Variants in GTF3C4 observed in about 807,000 individuals in gnomAD.
GTF3C4 encodes the protein general transcription factor IIIC subunit 4, also known as general transcription factor 3C polypeptide 4.
Under a neutral mutation model 67.5 loss-of-function variants are expected in GTF3C4, and 28 were observed. That is an observed-to-expected ratio of 0.41 (90% CI 0.31 to 0.57). GTF3C4 has a LOEUF of 0.57. Among genes scored for constraint, GTF3C4 ranks in the 20% least tolerant of loss-of-function variants. GTF3C4 has a pLI of 0.21. For synonymous variants in GTF3C4, 409 were observed against 393.0 expected (o/e 1.04, Z -0.48); for missense variants, 831 against 1,033.2 (o/e 0.80, Z 2.68).
intron 1 of GTF3C4, among the ~76,000 whole-genome samples, chr9:132,672,303 T>A (rs1240338160): frequency 6.6e-6 from 1 of 152,124 alleles, no homozygotes; most frequent in African/African-American, 2.4e-5. Context: ...ATAGTAGACA[T>A]CGAATACCTT....
chr9:132,670,787 G>C lies in GTF3C4; in HGVS notation c.189G>C (p.Ala63=), dbSNP rs769183687. 8.8e-6 allele frequency: 14 copies of C among 1,591,934 alleles called. No homozygotes were observed. The highest frequency in any genetic ancestry group is 1.3e-5 in the African/African-American group (1 of 74,534). Residue 63 remains alanine, a synonymous_variant, in exon 1 of 5, where the codon GCG becomes GCC. Transcript: ENST00000372146. ...AGCCGGCCGTGAAGCTGCAGTATGC[G>C]GTGAGCGGCCTGGAACCGCTGGCTT... is the stretch of plus-strand genomic sequence containing the variant. The part of the protein sequence containing the change: ...RREPAVKLQY[A]VSGLEPLAWS...
chr9:132,678,895 A>G lies in GTF3C4; in HGVS notation c.1276A>G (p.Ile426Val), dbSNP rs780087553. The change falls in exon 2 of 5, where the codon ATT becomes GTT. Residue 426 changes from isoleucine to valine, a missense_variant. By Grantham distance (29) the Ile-to-Val change is conservative. This residue lies in a region of GTF3C4 where 390 missense variants were observed against 540.3 expected (regional missense o/e 0.72). Transcript: ENST00000372146. This position sits in a 1 kb window ranked among gnomAD's most constrained non-coding sequence, Gnocchi z 6.5. ...TGTCACAGGCCTTCACTCACTGCCAATTGTCTCCATGACTGCAGACAAACA... is the reference window on the plus strand; with the variant it reads ...TGTCACAGGCCTTCACTCACTGCCAGTTGTCTCCATGACTGCAGACAAACA... ...SHVTGLHSLP[I>V]VSMTADKQNG... 15 of 1,614,162 alleles carry G rather than the reference A, an allele frequency of 9.3e-6. No homozygotes were observed. Among genetic ancestry groups the G allele is most frequent in the Non-Finnish European group, 1.0e-5 (12 of 1,179,992 alleles).
chr9:132,677,957 T>G lies in GTF3C4; in HGVS notation c.358-20T>G. On this transcript the variant is annotated intron_variant, in intron 1 of 4. Coordinates refer to ENST00000372146, the MANE Select transcript of GTF3C4 (RefSeq NM_012204.4). The stretch of plus-strand genomic sequence containing the variant: ...TTGAGTAAATGCTCATCTGATAGTT[T>G]TTATATCTCTTATTTTCAGGTTGGC... 1 of 1,565,132 alleles carries G rather than the reference T, an allele frequency of 6.4e-7. No homozygotes were observed. The highest frequency in any genetic ancestry group is 2.0e-5 in the Admixed American group (1 of 50,622).
upstream of GTF3C4, chr9:132,670,172 T>A (rs1216652117): frequency 6.3e-7 from 1 of 1,592,880 alleles, no homozygotes; most frequent in East Asian, 2.3e-5. Flanking sequence ...CCTCGCGGCC[T>A]GGCAAAATTA....
chr9:132,682,504 C>G (rs992752222), intron 2 of GTF3C4, among the ~76,000 whole-genome samples: 2 of 149,746 alleles, frequency 1.3e-5, no homozygotes, highest in Non-Finnish European at 1.5e-5. Context: ...GTATCCCAGC[C>G]TCCAAATTAC....
At chr9:132,676,495 A>G (rs996091388) in intron 1 of GTF3C4, among the ~76,000 whole-genome samples, 2 of 151,516 alleles carry the variant, frequency 1.3e-5, no homozygotes, top group African/African-American at 4.9e-5. Context: ...ATTTTTTGCT[A>G]TTTTTAGTAG....
At chr9:132,685,432 A>G (rs1026568400) in intron 3 of GTF3C4, among the ~76,000 whole-genome samples, 1 of 152,192 alleles carries the variant, frequency 6.6e-6, no homozygotes, top group South Asian at 2.1e-4. Flanking sequence ...TAATGGCTAT[A>G]GAGGTTTCTA....
chr9:132,689,191 C>A lies in GTF3C4; in HGVS notation c.*246C>A. ...AGTCGTTTTGAGATGAGCATTAGCC[C>A]CAGCTTTGTAACCAATGAGGAACAC... On this transcript the variant is annotated 3_prime_UTR_variant, in exon 5 of 5. Transcript: ENST00000372146. The A allele has an allele frequency of 4.0e-6, 2 of 494,324 alleles. No homozygotes were observed. Among genetic ancestry groups the A allele is most frequent in the African/African-American group, 1.9e-5 (1 of 51,984 alleles). 30.6% of individuals were successfully genotyped at this position (494,324 alleles called of 1,614,324 possible).
At position 132,692,751 on chromosome 9, in the gene GTF3C4, A is replaced by T. The variant is rs1836138102; in HGVS notation, c.*3806A>T. 4 of 152,228 alleles carry T rather than the reference A, an allele frequency of 2.6e-5. No homozygotes were observed. The South Asian group carries it at 8.3e-4, about 31-fold the overall frequency. 9.4% of individuals were successfully genotyped at this position (152,228 alleles called of 1,614,324 possible). On this transcript the variant is annotated 3_prime_UTR_variant, in exon 5 of 5. Transcript: ENST00000372146. ...GAACCTTTGCCTTCAAGGTTGGGTC[A>T]TCAAAAATCCCTCTAAAGGATCTAA... is the stretch of plus-strand genomic sequence containing the variant.
At chr9:132,674,633 A>G (rs1358974669) in intron 1 of GTF3C4, among the ~76,000 whole-genome samples, 1 of 152,244 alleles carries the variant, frequency 6.6e-6, no homozygotes, top group Non-Finnish European at 1.5e-5. Flanking sequence ...TCACAGTATT[A>G]AAGGATTTGA....
chr9:132,670,592 A>G lies in GTF3C4; in HGVS notation c.-7A>G. ...CCAGGGCGTCCGACCTCTGCACCTG[A>G]GAGAAGATGAACACGGCCGACCAGG... On this transcript the variant is annotated 5_prime_UTR_variant, in exon 1 of 5. Coordinates refer to ENST00000372146, the MANE Select transcript of GTF3C4 (RefSeq NM_012204.4). 3 of 1,441,870 alleles carry G rather than the reference A, an allele frequency of 2.1e-6. No individual in the cohort carries two copies. The highest frequency in any genetic ancestry group is 2.7e-6 in the Non-Finnish European group (3 of 1,106,800). 89.3% of individuals were successfully genotyped at this position (1,441,870 alleles called of 1,614,324 possible).
In GTF3C4 at chr9:132,679,815, T is replaced by C; in HGVS notation, c.2184+12T>C. ...ACAGAACTGCACGGGTAGGTGTTTA[T>C]TAACAAAAACTCTGAAATTGTAAAG... is the stretch of plus-strand genomic sequence containing the variant. On this transcript the variant is annotated intron_variant, in intron 2 of 4. Transcript: ENST00000372146. This position sits in a 1 kb window ranked among gnomAD's most constrained non-coding sequence, Gnocchi z 5.9. 6.4e-7 allele frequency: 1 copy of C among 1,552,156 alleles called. No individual in the cohort carries two copies. Among genetic ancestry groups the C allele is most frequent in the South Asian group, 1.2e-5 (1 of 82,542 alleles).
intron 1 of GTF3C4, 42 bp from the exon 2 acceptor site, chr9:132,677,935 A>C: frequency 6.6e-7 from 1 of 1,518,590 alleles, no homozygotes; most frequent in Non-Finnish European, 8.9e-7. Context: ...CATCTCCTTG[A>C]GTAAATGCTC....
intron 1 of GTF3C4, among the ~76,000 whole-genome samples, chr9:132,674,801 C>T (rs552542633): frequency 1.4e-4 from 22 of 152,274 alleles, no homozygotes; most frequent in African/African-American, 5.3e-4. Context: ...AGGCCAAGGC[C>T]GGAGGATCGC....
At chr9:132,682,732 G>A (rs1835965298) in intron 2 of GTF3C4, among the ~76,000 whole-genome samples, 1 of 151,250 alleles carries the variant, frequency 6.6e-6, no homozygotes, top group Non-Finnish European at 1.5e-5. Flanking sequence ...AGCCTCCTGA[G>A]TAGCTGGAAT....
chr9:132,694,108 T>A lies in GTF3C4; in HGVS notation c.*5163T>A, dbSNP rs893252479. The A allele has an allele frequency of 3.9e-5, 6 of 152,270 alleles. No individual in the cohort carries two copies. The South Asian group carries it at 1.2e-3, about 32-fold the overall frequency. The allele number at this position is 152,270 out of a possible 1,614,324, so 9.4% of individuals were successfully genotyped here. ...TTAGGTGGAATGTTTTATAGACTTTTGGTGTTGAAAAAAAAAAGTTTGATA... is the reference window on the plus strand; with the variant it reads ...TTAGGTGGAATGTTTTATAGACTTTAGGTGTTGAAAAAAAAAAGTTTGATA... On this transcript the variant is annotated 3_prime_UTR_variant, in exon 5 of 5. Transcript: ENST00000372146.
chr9:132,680,976 C>T (rs560101076), intron 2 of GTF3C4, among the ~76,000 whole-genome samples: 9 of 152,270 alleles, frequency 5.9e-5, no homozygotes, highest in Non-Finnish European at 8.8e-5. Context: ...GGTGTGGTGG[C>T]GGGCGCCTGT....
chr9:132,670,336 C>T (rs1835674942), upstream of GTF3C4: 2 of 1,434,538 alleles, frequency 1.4e-6, no homozygotes, highest in Non-Finnish European at 1.8e-6. Context: ...CCCTAACAGG[C>T]TCTGGAGCTC....
rs1835909362 is a variant in GTF3C4 at position 132,679,449 on chromosome 9, T to C, written c.1830T>C (p.Asp610=). 2 of 1,614,162 alleles carry C rather than the reference T, an allele frequency of 1.2e-6. No individual in the cohort carries two copies. Among genetic ancestry groups the C allele is most frequent in the South Asian group, 2.2e-5 (2 of 91,078 alleles). ...AGGACTCAAAAATCTTACTAGTGGA[T>C]TCGCCTGGGATGGGCAATGCTGACG... is the stretch of plus-strand genomic sequence containing the variant. ...THEDSKILLV[D]SPGMGNADDE... The change falls in exon 2 of 5, where the codon GAT becomes GAC. Residue 610 remains aspartate, a synonymous_variant. Coordinates refer to ENST00000372146, the MANE Select transcript of GTF3C4 (RefSeq NM_012204.4). This position sits in a 1 kb window ranked among gnomAD's most constrained non-coding sequence, Gnocchi z 5.9.
Sources: allele counts gnomAD v4.1 joint callset (sites outside exome capture counted in the v4.1 genomes callset), GRCh38; gene constraint gnomAD v4.1.1; regional missense constraint gnomAD v4.1.1; non-coding constraint Gnocchi (gnomAD v3.1); transcripts MANE v1.5; gene names NCBI Gene and HGNC (gene_info 2026-07-23, HGNC 2026-07-21).